Variants in RYR2 observed in about 807,000 individuals in gnomAD.
The protein encoded by RYR2 is ryanodine receptor 2.
A neutral mutation model predicts 601.1 loss-of-function variants in RYR2; 227 were observed. The observed-to-expected ratio is 0.38, with a 90% CI of 0.34 to 0.42. The LOEUF (loss-of-function observed/expected upper bound fraction) is 0.42. RYR2 is among the 10% of genes least tolerant of loss of function. The probability of loss-of-function intolerance (pLI) is 1.00; values close to 1 mark genes in which losing one functional copy is unlikely to be tolerated. For missense variants in RYR2, 4,646 were observed against 6,156.5 expected, an observed-to-expected ratio of 0.75 and a Z score of 8.21; for synonymous variants, 2,223 against 2,175.1, an observed-to-expected ratio of 1.02 and a Z score of -0.61.
At chr1:237,208,944 A>G (rs1336371873) in intron 1 of RYR2, among the ~76,000 whole-genome samples, 6,005 of 41,278 alleles carry the variant, frequency 0.15, 395 homozygotes, top group Non-Finnish European at 0.17. Flanking sequence ...GTGTATATAT[A>G]TATATATATA....
At chr1:237,251,996 C>G (rs1475255873) in intron 1 of RYR2, among the ~76,000 whole-genome samples, 1 of 152,044 alleles carries the variant, frequency 6.6e-6, no homozygotes, top group African/African-American at 2.4e-5. Flanking sequence ...CTGACCTTTT[C>G]CCGGCACTTC....
chr1:237,426,960 A>T (rs1353406679), intron 12 of RYR2, among the ~76,000 whole-genome samples: 1 of 152,238 alleles, frequency 6.6e-6, no homozygotes. Flanking sequence ...AGTGAAAGGT[A>T]CGGTAGGTGC....
chr1:237,522,807 T>C (rs750300114), intron 24 of RYR2, among the ~76,000 whole-genome samples: 1 of 152,198 alleles, frequency 6.6e-6, no homozygotes, highest in African/African-American at 2.4e-5. Flanking sequence ...AGTACTAAAA[T>C]GCTACATTAC....
At chr1:237,370,937 G>A (rs1324203809) in intron 6 of RYR2, among the ~76,000 whole-genome samples, 1 of 152,162 alleles carries the variant, frequency 6.6e-6, no homozygotes, top group Non-Finnish European at 1.5e-5. Context: ...TGGGATTACA[G>A]GCATGAGCCA....
At chr1:237,537,030 C>T (rs982025397) in intron 25 of RYR2, among the ~76,000 whole-genome samples, 1 of 152,128 alleles carries the variant, frequency 6.6e-6, no homozygotes, top group African/African-American at 2.4e-5. Flanking sequence ...CACTCAACTT[C>T]AGTACTAATC....
At chr1:237,554,275 C>A (rs1313751308) in intron 27 of RYR2, among the ~76,000 whole-genome samples, 1 of 151,786 alleles carries the variant, frequency 6.6e-6, no homozygotes, top group Non-Finnish European at 1.5e-5. Context: ...CTCCTGTATT[C>A]TGTGGATATC....
chr1:237,072,949 A>C (rs1321457544), intron 1 of RYR2, among the ~76,000 whole-genome samples: 1 of 147,430 alleles, frequency 6.8e-6, no homozygotes, highest in African/African-American at 2.5e-5. Flanking sequence ...CTCCATCTCA[A>C]AAAAAAAAAA....
chr1:237,786,132 C>T (rs1657525088), intron 91 of RYR2, 96 bp downstream of exon 91: 1 of 786,956 alleles, frequency 1.3e-6, no homozygotes, highest in Non-Finnish European at 2.1e-6. Flanking sequence ...GGGAGAATCT[C>T]ATATTGTCAA....
At chr1:237,190,321 G>C (rs949095333) in intron 1 of RYR2, among the ~76,000 whole-genome samples, 8 of 152,184 alleles carry the variant, frequency 5.3e-5, no homozygotes, top group Non-Finnish European at 7.3e-5. Flanking sequence ...TGGGTGTCAG[G>C]TGATATTGTG....
intron 12 of RYR2, among the ~76,000 whole-genome samples, chr1:237,429,128 C>T (rs1371681879): frequency 3.9e-5 from 6 of 152,070 alleles, no homozygotes. Context: ...AAGCAGGGAC[C>T]CTGTCCTCCC....
chr1:237,777,284 TAGAC>T (rs1694742673), intron 87 of RYR2, among the ~76,000 whole-genome samples: 1 of 152,196 alleles, frequency 6.6e-6, no homozygotes, highest in Admixed American at 6.5e-5. Flanking sequence ...ACTGCTTTTG[TAGAC>T]AGTCAGTCGT....
In RYR2 at chr1:237,092,975, C is replaced by T. The variant is rs568829310; in HGVS notation, c.48+50406C>T. 1.8e-4 allele frequency among the ~76,000 whole-genome samples: 28 copies of T among 152,264 alleles called. 2 individuals carry two copies. The South Asian group carries it at 5.2e-3, about 28-fold the overall frequency. On this transcript the variant is annotated intron_variant, in intron 1 of 104. Coordinates refer to ENST00000366574, the MANE Select transcript of RYR2 (RefSeq NM_001035.3). ...TGAGGCCGGAGCAGCAGTGTGTGGG[C>T]GTATATGGGTGCTCTGTGACAGTGC...
chr1:237,146,412 G>A (rs978133288), intron 1 of RYR2, among the ~76,000 whole-genome samples: 1 of 152,182 alleles, frequency 6.6e-6, no homozygotes, highest in Non-Finnish European at 1.5e-5. Context: ...ACTTGGAGAG[G>A]AATGCGTGGG....
At chr1:237,791,663 T>C in intron 93 of RYR2, 148 bp downstream of exon 93, 4 of 601,654 alleles carry the variant, frequency 6.6e-6, no homozygotes, top group Non-Finnish European at 1.2e-5. Context: ...ATATCACTGT[T>C]ATCTAGGAAG....
intron 79 of RYR2, among the ~76,000 whole-genome samples, chr1:237,736,452 A>G (rs1469518429): frequency 9.3e-6 from 1 of 107,310 alleles, no homozygotes; most frequent in Non-Finnish European, 2.1e-5. Context: ...ATGGAGTGAG[A>G]GTCCGTTTCA....
At chr1:237,645,311 T>C (rs980334882) in intron 48 of RYR2, among the ~76,000 whole-genome samples, 1 of 152,202 alleles carries the variant, frequency 6.6e-6, no homozygotes, top group African/African-American at 2.4e-5. Flanking sequence ...AAGCTAGAAA[T>C]TAAAAATCTT....
intron 24 of RYR2, among the ~76,000 whole-genome samples, chr1:237,516,581 C>G (rs144426275): frequency 6.8e-4 from 103 of 152,334 alleles, no homozygotes; most frequent in African/African-American, 2.3e-3. Flanking sequence ...CCCCAGACAT[C>G]TGCTCTGAGT....
chr1:237,392,456 T>C (rs1027164170), intron 10 of RYR2, among the ~76,000 whole-genome samples: 4 of 152,130 alleles, frequency 2.6e-5, no homozygotes, highest in African/African-American at 7.2e-5. Context: ...ACCTACTACA[T>C]ACCCACAAAC....
chr1:237,138,441 G>A (rs967254708), intron 1 of RYR2, among the ~76,000 whole-genome samples: 3 of 152,086 alleles, frequency 2.0e-5, no homozygotes, highest in Non-Finnish European at 4.4e-5. Flanking sequence ...ACAAGAGACT[G>A]TGATTATTTT....
Sources: gnomAD v4.1 joint callset for allele counts (sites outside exome capture counted in the v4.1 genomes callset) on GRCh38, gnomAD v4.1.1 for gene constraint, MANE v1.5 for transcripts, NCBI Gene and HGNC (gene_info 2026-07-23, HGNC 2026-07-21) for gene names.